The following TMEM117 variants were observed in gnomAD, a reference collection of about 807,000 sequenced individuals.
The protein encoded by TMEM117 is transmembrane protein 117.
Under a neutral mutation model 52.4 loss-of-function variants are expected in TMEM117, and 27 were observed. The observed-to-expected ratio is 0.51, with a 90% CI of 0.38 to 0.71. The LOEUF is 0.71. Among genes scored for constraint, TMEM117 ranks in the 30% least tolerant of loss-of-function variants. The pLI is 0.00. For missense variants in TMEM117, 556 were observed against 630.5 expected, an observed-to-expected ratio of 0.88 and a Z score of 1.26; for synonymous variants, 215 against 206.3, an observed-to-expected ratio of 1.04 and a Z score of -0.36.
At chr12:43,857,550 A>G (rs1414729513) in intron 2 of TMEM117, among the ~76,000 whole-genome samples, 2 of 152,178 alleles carry the variant, frequency 1.3e-5, no homozygotes, top group East Asian at 3.9e-4. Context: ...GCCAGGGTGG[A>G]ATTTGACAGC....
intron 7 of TMEM117, among the ~76,000 whole-genome samples, chr12:44,378,113 G>A (rs1173665920): frequency 1.3e-5 from 2 of 152,092 alleles, no homozygotes; most frequent in South Asian, 2.1e-4. Context: ...TTTGGGGGGG[G>A]CTTTTGCGTA....
At chr12:44,098,517 A>G (rs374362461) in intron 3 of TMEM117, among the ~76,000 whole-genome samples, 19 of 152,206 alleles carry the variant, frequency 1.2e-4, no homozygotes, top group Admixed American at 9.2e-4. Context: ...AGTCAAGCAA[A>G]TATGAGGGCT....
chr12:43,979,464 G>A (rs189030341), intron 3 of TMEM117, among the ~76,000 whole-genome samples: 5 of 152,268 alleles, frequency 3.3e-5, no homozygotes, highest in Non-Finnish European at 7.3e-5. Context: ...CCTTGAGGAA[G>A]TACTTTCCAA....
chr12:44,392,334 C>T (rs1952164968), downstream of TMEM117, among the ~76,000 whole-genome samples: 3 of 152,098 alleles, frequency 2.0e-5, no homozygotes, highest in Non-Finnish European at 4.4e-5. Context: ...AGCAGTTTTA[C>T]TTTAAACAGG....
chr12:43,922,319 A>T (rs1390967161), intron 2 of TMEM117, among the ~76,000 whole-genome samples: 2 of 152,228 alleles, frequency 1.3e-5, no homozygotes, highest in Non-Finnish European at 2.9e-5. Context: ...AGGTTTTTAA[A>T]AATTGAATTT....
chr12:44,212,234 G>A (rs1949655564), intron 5 of TMEM117, among the ~76,000 whole-genome samples: 1 of 152,152 alleles, frequency 6.6e-6, no homozygotes, highest in Admixed American at 6.6e-5. Context: ...GTGTGATGAA[G>A]CCTCATACCC....
downstream of TMEM117, among the ~76,000 whole-genome samples, chr12:44,390,059 A>G (rs952874078): frequency 6.6e-6 from 1 of 152,180 alleles, no homozygotes; most frequent in Non-Finnish European, 1.5e-5. Flanking sequence ...TTTAGCATGC[A>G]TAATAGAACT....
At chr12:43,888,543 CTTTTTTTTTTTT>C (rs147186370) in intron 2 of TMEM117, among the ~76,000 whole-genome samples, 1 of 92,206 alleles carries the variant, frequency 1.1e-5, no homozygotes, top group Non-Finnish European at 2.3e-5. Context: ...CATTAGTTTT[CTTTTTTTTTTTT>C]TTTTTTTTTT....
chr12:44,002,090 G>A (rs1354822458), intron 3 of TMEM117, among the ~76,000 whole-genome samples: 2 of 152,214 alleles, frequency 1.3e-5, no homozygotes, highest in East Asian at 3.9e-4. Flanking sequence ...TGAGAGAATA[G>A]GTTTGGAACC....
intron 3 of TMEM117, among the ~76,000 whole-genome samples, chr12:44,090,501 A>G: frequency 6.6e-6 from 1 of 151,570 alleles, no homozygotes; most frequent in Non-Finnish European, 1.5e-5. Flanking sequence ...CAGTGGCACA[A>G]TCTCGGCTCA....
intron 3 of TMEM117, among the ~76,000 whole-genome samples, chr12:44,059,956 T>C (rs1380405407): frequency 2.6e-5 from 4 of 152,208 alleles, no homozygotes; most frequent in Non-Finnish European, 5.9e-5. Flanking sequence ...TGAATAGCTG[T>C]ATGATTCTGC....
chr12:43,835,636 G>C (rs1009977800), upstream of TMEM117, among the ~76,000 whole-genome samples: 7 of 152,164 alleles, frequency 4.6e-5, no homozygotes, highest in Admixed American at 2.6e-4. Flanking sequence ...GCTTTCGAAA[G>C]TTTGTAGCTC....
intron 4 of TMEM117, among the ~76,000 whole-genome samples, chr12:44,173,489 A>G (rs928217104): frequency 6.6e-6 from 1 of 151,758 alleles, no homozygotes; most frequent in Admixed American, 6.5e-5. Context: ...TTGGTGTTTA[A>G]CTTGATTGCC....
intron 5 of TMEM117, among the ~76,000 whole-genome samples, chr12:44,239,790 C>A (rs903339683): frequency 3.7e-4 from 57 of 152,098 alleles, no homozygotes; most frequent in African/African-American, 1.4e-3. Context: ...CATACACATG[C>A]TCTCATACAC....
At chr12:44,272,560 G>A (rs1950459968) in intron 5 of TMEM117, among the ~76,000 whole-genome samples, 1 of 152,066 alleles carries the variant, frequency 6.6e-6, no homozygotes, top group South Asian at 2.1e-4. Context: ...GTGGGCGAAG[G>A]ATATGAACAA....
chr12:43,907,689 C>T (rs1328876621), intron 2 of TMEM117, among the ~76,000 whole-genome samples: 1 of 151,694 alleles, frequency 6.6e-6, no homozygotes, highest in African/African-American at 2.4e-5. Context: ...TCGAGAACTA[C>T]ATGAAGAATG....
In TMEM117 at chr12:44,190,884, C is replaced by CAT. The variant is rs552462055; in HGVS notation, c.511-20396_511-20395dup. ...ATATATAGAGAGAGATACATACATA[C>CAT]ATATATATATAAAGTATATATGTAA... On this transcript the variant is annotated intron_variant, in intron 4 of 7. Transcript: ENST00000266534. 8.5e-3 allele frequency among the ~76,000 whole-genome samples: 1,248 copies of CAT among 147,394 alleles called. 20 individuals are homozygous for CAT. Among genetic ancestry groups the CAT allele is most frequent in the African/African-American group, 0.029 (1,161 of 40,438 alleles).
At chr12:43,942,331 G>A (rs1009815895) in intron 2 of TMEM117, among the ~76,000 whole-genome samples, 3 of 152,078 alleles carry the variant, frequency 2.0e-5, no homozygotes, top group African/African-American at 7.2e-5. Context: ...GTAGCATGTG[G>A]TTTTACTCTC....
At chr12:43,937,015 G>C (rs1387828638) in intron 2 of TMEM117, among the ~76,000 whole-genome samples, 3 of 152,164 alleles carry the variant, frequency 2.0e-5, no homozygotes. Flanking sequence ...TGAAAGGATG[G>C]CTGGACCAAG....
Sources: allele counts gnomAD v4.1 joint callset (sites outside exome capture counted in the v4.1 genomes callset), GRCh38; gene constraint gnomAD v4.1.1; transcripts MANE v1.5; gene names NCBI Gene and HGNC (gene_info 2026-07-23, HGNC 2026-07-21).